The following TENM3 variants were observed in gnomAD, a reference collection of about 807,000 sequenced individuals.
TENM3 encodes teneurin transmembrane protein 3.
Under a neutral mutation model 255.1 loss-of-function variants are expected in TENM3, and 63 were observed. The observed-to-expected ratio is 0.25, with a 90% CI of 0.20 to 0.30. The LOEUF is 0.30. Ranked by LOEUF, TENM3 falls within the 10% of genes least tolerant of loss-of-function variation. TENM3 has a pLI of 1.00. For synonymous variants in TENM3, 1,306 were observed against 1,322.3 expected (o/e 0.99, Z 0.27); for missense variants, 2,929 against 3,461.1 (o/e 0.85, Z 3.86).
the TENM3 span, among the ~76,000 whole-genome samples, chr4:181,684,053 G>A: frequency 3.3e-5 from 5 of 152,184 alleles, no homozygotes; most frequent in Admixed American, 1.3e-4. Context: ...GGACGGCTCT[G>A]GGATCACTTG....
rs75921102 is a variant in TENM3 at position 182,623,830 on chromosome 4, A to C, written c.750-4821A>C. ...TATTGCGGGGGTCGCCTTCGTTCCT[A>C]TCCGCGAGACCCCTGCTTGTCCAGT... On this transcript the variant is annotated intron_variant, in intron 4 of 27. Transcript: ENST00000511685. Among the ~76,000 whole-genome samples the C allele has an allele frequency of 3.9e-3, 600 of 151,982 alleles. 8 individuals carry two copies. Among genetic ancestry groups the C allele is most frequent in the African/African-American group, 0.013 (554 of 41,454 alleles).
chr4:182,192,059 G>C (rs1428790206), intron 1 of TENM3, among the ~76,000 whole-genome samples: 1 of 152,092 alleles, frequency 6.6e-6, no homozygotes, highest in Non-Finnish European at 1.5e-5. Flanking sequence ...CTTTTAAATA[G>C]AGGGGAAGAA....
chr4:181,449,682 G>A, the TENM3 span, among the ~76,000 whole-genome samples: 29 of 152,144 alleles, frequency 1.9e-4, no homozygotes, highest in Non-Finnish European at 3.4e-4. Context: ...AGCTATTCAG[G>A]AGGCTGAGGC....
chr4:182,175,202 A>C (rs1028088607), intron 1 of TENM3, among the ~76,000 whole-genome samples: 2 of 151,652 alleles, frequency 1.3e-5, no homozygotes, highest in African/African-American at 4.8e-5. Context: ...TTTTATTGGC[A>C]GCTGGCCAAG....
intron 3 of TENM3, among the ~76,000 whole-genome samples, chr4:182,481,189 C>CA (rs1453056136): frequency 6.6e-6 from 1 of 151,992 alleles, no homozygotes; most frequent in Admixed American, 6.6e-5. Flanking sequence ...TTTAAAGAAA[C>CA]AGACTGAAAA....
At chr4:181,767,996 A>C in the TENM3 span, among the ~76,000 whole-genome samples, 1 of 152,248 alleles carries the variant, frequency 6.6e-6, no homozygotes, top group Non-Finnish European at 1.5e-5. Flanking sequence ...TAATAATTTT[A>C]ATGTAAATGC....
intron 12 of TENM3, among the ~76,000 whole-genome samples, chr4:182,692,165 G>C (rs1278802328): frequency 6.6e-6 from 1 of 152,174 alleles, no homozygotes; most frequent in Non-Finnish European, 1.5e-5. Flanking sequence ...GAGAAATTGG[G>C]CTTCTTCTTG....
Position 182,730,185 on chromosome 4 carries a change from C to G in TENM3, c.2586-15C>G. ...AAGACAGATGTTCATTCTCATTCTT[C>G]TGCTTTTCCAACAGCCTTGCATCTG... On this transcript the variant is annotated splice_polypyrimidine_tract_variant and intron_variant, in intron 14 of 27. Coordinates refer to ENST00000511685, the MANE Select transcript of TENM3 (RefSeq NM_001080477.4). The G allele has an allele frequency of 6.2e-7, 1 of 1,613,292 alleles. No homozygotes were observed.
the TENM3 span, among the ~76,000 whole-genome samples, chr4:181,695,578 T>C: frequency 6.6e-6 from 1 of 152,270 alleles, no homozygotes; most frequent in African/African-American, 2.4e-5. Context: ...TACTATGTGG[T>C]TGAGTGTGAA....
intron 1 of TENM3, among the ~76,000 whole-genome samples, chr4:182,298,191 TC>T (rs1761616433): frequency 6.6e-6 from 1 of 152,192 alleles, no homozygotes; most frequent in Non-Finnish European, 1.5e-5. Context: ...GTTGTCTGTT[TC>T]CCCCACTGAA....
chr4:181,548,587 C>T, the TENM3 span, among the ~76,000 whole-genome samples: 4 of 152,136 alleles, frequency 2.6e-5, no homozygotes, highest in Non-Finnish European at 4.4e-5. Context: ...AATATAATTT[C>T]CACGTGGATT....
In TENM3 at chr4:182,233,023, A is replaced by C. The variant is rs537581588; in HGVS notation, c.-76+88269A>C. Reference sequence around the variant, plus strand: ...TGACCTTGGGTAATTGAAACCACAAAAAGTGAAACTGAGGATAAGGGGAGA... The same window carrying C: ...TGACCTTGGGTAATTGAAACCACAACAAGTGAAACTGAGGATAAGGGGAGA... On this transcript the variant is annotated intron_variant, in intron 1 of 2. Transcript: ENST00000512480. Among the ~76,000 whole-genome samples, 8 of 152,248 alleles carry C rather than the reference A, an allele frequency of 5.3e-5. No homozygotes were observed. The South Asian group carries it at 1.5e-3, about 28-fold the overall frequency.
intron 1 of TENM3, among the ~76,000 whole-genome samples, chr4:182,258,264 T>C (rs996914060): frequency 1.3e-5 from 2 of 152,188 alleles, no homozygotes; most frequent in African/African-American, 4.8e-5. Context: ...GGTAAACAAA[T>C]TTAATGGTAA....
At chr4:181,667,466 A>G in the TENM3 span, among the ~76,000 whole-genome samples, 2 of 152,300 alleles carry the variant, frequency 1.3e-5, no homozygotes, top group South Asian at 4.1e-4. Context: ...CCCCAATGCA[A>G]CCATGTAAGA....
At chr4:182,032,928 A>T in the TENM3 span, among the ~76,000 whole-genome samples, 2 of 148,936 alleles carry the variant, frequency 1.3e-5, no homozygotes, top group South Asian at 2.1e-4. Flanking sequence ...TTGAGTCTTC[A>T]CTCTTTTCTT....
upstream of TENM3, among the ~76,000 whole-genome samples, chr4:182,140,668 A>G (rs1335688618): frequency 6.6e-6 from 1 of 152,110 alleles, no homozygotes; most frequent in Non-Finnish European, 1.5e-5. Flanking sequence ...TTAAAGGAGG[A>G]AGTGGCTGCG....
chr4:182,222,259 A>G (rs1442970509), intron 1 of TENM3, among the ~76,000 whole-genome samples: 2 of 152,258 alleles, frequency 1.3e-5, no homozygotes, highest in East Asian at 3.8e-4. Context: ...GCAGGTTGTC[A>G]TAACCAATTC....
the TENM3 span, among the ~76,000 whole-genome samples, chr4:181,549,038 T>TTCACAAACATCCATAACACATC: frequency 1.3e-5 from 2 of 151,980 alleles, no homozygotes; most frequent in East Asian, 3.9e-4. Context: ...GGTAACACAT[T>TTCACAAACATCCATAACACATC]CTTCACAAAC....
the TENM3 span, among the ~76,000 whole-genome samples, chr4:181,828,479 C>T: frequency 6.6e-6 from 1 of 152,198 alleles, no homozygotes; most frequent in Non-Finnish European, 1.5e-5. Flanking sequence ...TGATTCTATT[C>T]GATCAATGCT....
Sources: allele counts gnomAD v4.1 joint callset (sites outside exome capture counted in the v4.1 genomes callset), GRCh38; gene constraint gnomAD v4.1.1; transcripts MANE v1.5; gene names NCBI Gene and HGNC (gene_info 2026-07-23, HGNC 2026-07-21).